Variants in IL23R observed in about 807,000 individuals in gnomAD.
The protein encoded by IL23R is interleukin-23 receptor.
In IL23R, 34 loss-of-function variants were observed where a neutral mutation model predicts 56.9. The observed-to-expected ratio is 0.60, with a 90% CI of 0.45 to 0.80. The LOEUF is 0.80. IL23R is among the 30% of genes least tolerant of loss of function. The pLI, the probability that IL23R is intolerant of heterozygous loss-of-function variation, is 0.00. For synonymous variants in IL23R, 230 were observed against 249.2 expected (o/e 0.92, Z 0.73); for missense variants, 635 against 730.0 (o/e 0.87, Z 1.50).
At chr1:67,219,476 C>A in intron 6 of IL23R, 98 bp from the exon 7 acceptor site, 2 of 1,137,464 alleles carry the variant, frequency 1.8e-6, no homozygotes, top group Non-Finnish European at 2.6e-6. Flanking sequence ...GTCTAGAAGA[C>A]AGCTTGGAAC....
At chr1:67,187,099 G>A (rs2102595413) in intron 4 of IL23R, among the ~76,000 whole-genome samples, 1 of 152,084 alleles carries the variant, frequency 6.6e-6, no homozygotes, top group South Asian at 2.1e-4. Context: ...ATATATTTAG[G>A]AATAGAATTC....
rs1491292341 is a variant in IL23R, at chr1:67,205,913, TTC to T, written c.653-995_653-994del. 1.1e-3 allele frequency among the ~76,000 whole-genome samples: 71 copies of T among 66,470 alleles called. 1 individual carries two copies. Among genetic ancestry groups the T allele is most frequent in the South Asian group, 3.1e-3 (7 of 2,258 alleles). The allele number at this position is 66,470 out of a possible 152,430, so 43.6% of individuals were successfully genotyped here. A position where few individuals can be genotyped will look rare whatever the true frequency, so the allele number is the denominator to read the frequency against. On this transcript the variant is annotated intron_variant, in intron 5 of 10. Coordinates refer to ENST00000347310, the MANE Select transcript of IL23R (RefSeq NM_144701.3). ...TTTCTTTCTTTCTTTCTTTCTTTCT[TTC>T]TTTCTTTCTTTTTCTTTCTTTCTTT... is the stretch of plus-strand genomic sequence containing the variant.
chr1:67,149,166 C>T (rs1424593295), intron 1 of IL23R, among the ~76,000 whole-genome samples: 1 of 152,208 alleles, frequency 6.6e-6, no homozygotes, highest in African/African-American at 2.4e-5. Context: ...TCTTTCCTGT[C>T]ATCAGTTAGT....
At chr1:67,175,761 T>C (rs370356735) in intron 3 of IL23R, among the ~76,000 whole-genome samples, 11 of 152,356 alleles carry the variant, frequency 7.2e-5, no homozygotes, top group African/African-American at 2.6e-4. Flanking sequence ...GAAGATAGTC[T>C]GCCAGAGTAG....
At chr1:67,152,379 A>G (rs1646736032) in intron 1 of IL23R, among the ~76,000 whole-genome samples, 2 of 152,194 alleles carry the variant, frequency 1.3e-5, no homozygotes, top group South Asian at 4.1e-4. Flanking sequence ...GGTTTTCTAA[A>G]TATACAAACA....
intron 1 of IL23R, among the ~76,000 whole-genome samples, chr1:67,150,825 G>C (rs1157323401): frequency 6.6e-6 from 1 of 152,140 alleles, no homozygotes; most frequent in Non-Finnish European, 1.5e-5. Context: ...TGGTGTATAT[G>C]TACCACATTT....
rs375465772 is a variant in IL23R at position 67,142,601 on chromosome 1, T to A, written c.-634+3440T>A. The stretch of plus-strand genomic sequence containing the variant: ...ATTTTTTGAGGCAGAGTTTCACTCT[T>A]GTTGCCCAGGCTGGAGTGCAATGGT... On this transcript the variant is annotated intron_variant, in intron 1 of 10. Coordinates refer to the IL23R transcript ENST00000637002. Among the ~76,000 whole-genome samples, 564 of 152,324 alleles carry A rather than the reference T, an allele frequency of 3.7e-3. 4 individuals are homozygous for A. The highest frequency in any genetic ancestry group is 0.013 in the African/African-American group (543 of 41,582).
rs772786061 is a variant in IL23R, at chr1:67,219,728, C to T, written c.953C>T (p.Thr318Ile). Residue 318 changes from threonine (T) to isoleucine (I), a missense_variant and splice_region_variant, in exon 7 of 11, where the codon ACA (threonine) becomes ATA (isoleucine). By Grantham distance (89) the Thr-to-Ile change is moderately conservative. Transcript: ENST00000347310. Reference sequence around the variant, plus strand: ...CTGTTTTTTCATAAAACACCTGAAACAGGTGAGTGTACTTATATATTTTAT... The same window carrying T: ...CTGTTTTTTCATAAAACACCTGAAATAGGTGAGTGTACTTATATATTTTAT... ...SSLFFHKTPE[T>I]VPQVTSKAFQ... 4.3e-6 allele frequency: 7 copies of T among 1,613,062 alleles called. No homozygotes were observed. Among genetic ancestry groups the T allele is most frequent in the African/African-American group, 1.3e-5 (1 of 75,000 alleles).
chr1:67,208,705 G>A (rs1649251183), intron 6 of IL23R, among the ~76,000 whole-genome samples: 2 of 152,300 alleles, frequency 1.3e-5, no homozygotes, highest in South Asian at 2.1e-4. Flanking sequence ...GCAGGGACGG[G>A]GCCCTCATGG....
downstream of IL23R, among the ~76,000 whole-genome samples, chr1:67,262,232 G>C (rs1332066767): frequency 1.3e-5 from 2 of 152,278 alleles, no homozygotes; most frequent in South Asian, 4.1e-4. Context: ...CTGCAGGCTT[G>C]GGGCTTATAT....
At chr1:67,168,818 G>T (rs549137358) in intron 2 of IL23R, among the ~76,000 whole-genome samples, 1 of 152,122 alleles carries the variant, frequency 6.6e-6, no homozygotes, top group Non-Finnish European at 1.5e-5. Flanking sequence ...ACTTAGAGAA[G>T]CTTCCAGGCT....
At chr1:67,159,753 G>A (rs753253819) in intron 1 of IL23R, among the ~76,000 whole-genome samples, 3 of 152,146 alleles carry the variant, frequency 2.0e-5, no homozygotes, top group Non-Finnish European at 4.4e-5. Flanking sequence ...TTATTTAATA[G>A]CCATATGCTT....
At chr1:67,192,759 G>A (rs781572784) in intron 4 of IL23R, among the ~76,000 whole-genome samples, 13 of 151,918 alleles carry the variant, frequency 8.6e-5, no homozygotes, top group Non-Finnish European at 1.5e-4. Context: ...AAAACCTTCC[G>A]GCTCTATCTT....
At chr1:67,181,327 C>G (rs1032138773) in intron 3 of IL23R, among the ~76,000 whole-genome samples, 1 of 152,134 alleles carries the variant, frequency 6.6e-6, no homozygotes, top group South Asian at 2.1e-4. Context: ...AGGCTTTGTT[C>G]ATTTCTTTTT....
At chr1:67,245,466 A>T (rs1264654672) in intron 9 of IL23R, among the ~76,000 whole-genome samples, 2 of 152,158 alleles carry the variant, frequency 1.3e-5, no homozygotes, top group Non-Finnish European at 2.9e-5. Context: ...AGTTCTTATT[A>T]TTTTGAGATA....
chr1:67,198,281 A>C (rs1648324396), intron 4 of IL23R, among the ~76,000 whole-genome samples: 1 of 152,208 alleles, frequency 6.6e-6, no homozygotes, highest in South Asian at 2.1e-4. Flanking sequence ...GGAGCAAAGA[A>C]GCATTCTCCA....
chr1:67,206,889 TTTTTTTTTTTTTTTTTCTAGTGATACC>T lies in IL23R; in HGVS notation c.653-18_661del. ...CAAGTTTTAAACAGCCAGGTCTTTT[TTTTTTTTTTTTTTTTTCTAGTGATACC>T]TTCTGCAGCCGTCATTTCCAGGGCT... On this transcript the variant is annotated splice_acceptor_variant and splice_polypyrimidine_tract_variant and coding_sequence_variant and intron_variant, in exon 6 of 11. Coordinates refer to ENST00000347310, the MANE Select transcript of IL23R (RefSeq NM_144701.3). LOFTEE classifies it high-confidence loss of function. The T allele has an allele frequency of 6.7e-7, 1 of 1,488,348 alleles. No homozygotes were observed. The allele number at this position is 1,488,348 out of a possible 1,614,324, so 92.2% of individuals were successfully genotyped here.
At chr1:67,185,333 C>G (rs1415221092) in intron 4 of IL23R, among the ~76,000 whole-genome samples, 1 of 152,150 alleles carries the variant, frequency 6.6e-6, no homozygotes, top group Non-Finnish European at 1.5e-5. Context: ...GACCAGATCG[C>G]AGGGCATATT....
At chr1:67,163,252 T>G (rs2863207), upstream of IL23R, among the ~76,000 whole-genome samples, 1 of 151,288 alleles carries the variant, frequency 6.6e-6, no homozygotes, top group South Asian at 2.1e-4. Flanking sequence ...GCAGATCACT[T>G]GAGATTAGGA....
Sources: gnomAD v4.1 joint callset for allele counts (sites outside exome capture counted in the v4.1 genomes callset) on GRCh38, gnomAD v4.1.1 for gene constraint, MANE v1.5 for transcripts, NCBI Gene and HGNC (gene_info 2026-07-23, HGNC 2026-07-21) for gene names.